The following ACBD3 variants were observed in gnomAD, a reference collection of about 807,000 sequenced individuals.
ACBD3 encodes acyl-CoA binding domain containing 3, also known as Golgi resident protein GCP60.
A neutral mutation model predicts 66.9 loss-of-function variants in ACBD3; 30 were observed. The ratio of observed to expected loss-of-function variants is 0.45; its 90% CI spans 0.34 to 0.61. ACBD3 has a LOEUF of 0.61. Ranked by LOEUF, ACBD3 falls within the 20% of genes least tolerant of loss-of-function variation. ACBD3 has a pLI of 0.02. For synonymous variants in ACBD3, 278 were observed against 259.8 expected (o/e 1.07, Z -0.68); for missense variants, 544 against 664.5 (o/e 0.82, Z 1.99).
At chr1:226,175,882 T>C (rs1656020546) in intron 1 of ACBD3, among the ~76,000 whole-genome samples, 1 of 152,192 alleles carries the variant, frequency 6.6e-6, no homozygotes, top group Non-Finnish European at 1.5e-5. Flanking sequence ...ACAATTTCAG[T>C]AATCAGTTCA....
At chr1:226,158,975 A>G (rs1313049909) in intron 5 of ACBD3, among the ~76,000 whole-genome samples, 2 of 152,254 alleles carry the variant, frequency 1.3e-5, no homozygotes, top group African/African-American at 2.4e-5. Context: ...TTATGACAAT[A>G]TAACATCATC....
intron 7 of ACBD3, among the ~76,000 whole-genome samples, chr1:226,151,288 G>A (rs1299550626): frequency 6.6e-6 from 1 of 152,204 alleles, no homozygotes; most frequent in Non-Finnish European, 1.5e-5. Context: ...GAGACATGGT[G>A]CTTTTCCATT....
In ACBD3 at chr1:226,161,719, A is replaced by G. The variant is rs1475109691; in HGVS notation, c.570-30T>C. 7.2e-6 allele frequency: 11 copies of G among 1,532,968 alleles called. No individual in the cohort carries two copies. The Admixed American group carries it at 2.6e-4, about 36-fold the overall frequency. 95.0% of individuals were successfully genotyped at this position (1,532,968 alleles called of 1,614,324 possible). A position where few individuals can be genotyped will look rare whatever the true frequency, so the allele number is the denominator to read the frequency against. On this transcript the variant is annotated intron_variant, in intron 3 of 7. Coordinates refer to ENST00000366812, the MANE Select transcript of ACBD3 (RefSeq NM_022735.4). ...AAGGCAAAGATAGAGAATGAACCCT[A>G]TACGTTGAATCCTGTTTAAAAATAA...
intron 3 of ACBD3, 33 bp downstream of exon 3, chr1:226,164,756 A>T (rs761094625): frequency 2.5e-6 from 4 of 1,595,958 alleles, no homozygotes; most frequent in African/African-American, 1.3e-5. Context: ...TGGGCTGCGC[A>T]GCAATAAAGT....
At chr1:226,179,582 G>A (rs180961623) in intron 1 of ACBD3, among the ~76,000 whole-genome samples, 347 of 152,288 alleles carry the variant, frequency 2.3e-3, no homozygotes, top group African/African-American at 8.0e-3. Context: ...ACTGGGCCAG[G>A]CGTGGTGGTT....
intron 1 of ACBD3, among the ~76,000 whole-genome samples, chr1:226,181,925 G>A (rs1350023499): frequency 6.6e-6 from 1 of 152,148 alleles, no homozygotes; most frequent in African/African-American, 2.4e-5. Flanking sequence ...GCTTAACATT[G>A]TTAAAATAGA....
At chr1:226,170,183 AGTCTC>A (rs1553268584) in intron 1 of ACBD3, among the ~76,000 whole-genome samples, 1 of 116,056 alleles carries the variant, frequency 8.6e-6, no homozygotes, top group Non-Finnish European at 1.7e-5. Context: ...TTTGAGACGG[AGTCTC>A]ACTCTGTCAC....
At chr1:226,160,720 TA>T (rs1356916981) in intron 4 of ACBD3, among the ~76,000 whole-genome samples, 1 of 152,234 alleles carries the variant, frequency 6.6e-6, no homozygotes, top group Non-Finnish European at 1.5e-5. Context: ...CCCAGTGTTT[TA>T]TGGGTGTTAA....
At chr1:226,164,767 A>G in intron 3 of ACBD3, 22 bp downstream of exon 3, 1 of 1,604,786 alleles carries the variant, frequency 6.2e-7, no homozygotes, top group Non-Finnish European at 8.5e-7. Context: ...GCAATAAAGT[A>G]TTCCATGCCC....
intron 1 of ACBD3, among the ~76,000 whole-genome samples, chr1:226,182,360 T>C (rs773255601): frequency 2.0e-5 from 3 of 152,096 alleles, no homozygotes; most frequent in Admixed American, 6.6e-5. Flanking sequence ...TTCACGCCTG[T>C]AATCCCAGCG....
chr1:226,151,521 A>AG (rs1659572098), intron 7 of ACBD3, among the ~76,000 whole-genome samples: 2 of 152,238 alleles, frequency 1.3e-5, no homozygotes, highest in Non-Finnish European at 2.9e-5. Context: ...CAGAGGAAGT[A>AG]AAAAAATTCC....
Position 226,161,652 on chromosome 1 carries a change from C to T in ACBD3, c.607G>A (p.Glu203Lys). ...TCCTCCTTTTGCAGACGTTCTCTTT[C>T]TTCCTCTTCACGCCGCCTTCGCTCC... ...EEERRRREEE[E>K]RERLQKEEEK... The change falls in exon 4 of 8, where the codon GAA becomes AAA. Residue 203 changes from glutamate to lysine, a missense_variant. Transcript: ENST00000366812. The T allele has an allele frequency of 6.2e-7, 1 of 1,611,368 alleles. No homozygotes were observed. The highest frequency in any genetic ancestry group is 8.5e-7 in the Non-Finnish European group (1 of 1,178,652).
chr1:226,180,400 A>G (rs1238907615), intron 1 of ACBD3, among the ~76,000 whole-genome samples: 1 of 152,166 alleles, frequency 6.6e-6, no homozygotes, highest in Non-Finnish European at 1.5e-5. Context: ...GTTTATATAT[A>G]TAATTTCTTA....
At chr1:226,164,471 G>A (rs950985382) in intron 3 of ACBD3, among the ~76,000 whole-genome samples, 1 of 152,174 alleles carries the variant, frequency 6.6e-6, no homozygotes, top group Non-Finnish European at 1.5e-5. Flanking sequence ...TCAGACCAGA[G>A]GATAGGGAGG....
At chr1:226,178,733 ACGG>A (rs1474490752) in intron 1 of ACBD3, among the ~76,000 whole-genome samples, 1 of 152,146 alleles carries the variant, frequency 6.6e-6, no homozygotes, top group African/African-American at 2.4e-5. Flanking sequence ...CATAAAATCT[ACGG>A]CGTGGAAAGG....
chr1:226,166,066 A>G, intron 1 of ACBD3, 66 bp from the exon 2 acceptor site: 1 of 1,484,000 alleles, frequency 6.7e-7, no homozygotes, highest in Non-Finnish European at 9.0e-7. Context: ...TCAGCATTAT[A>G]TACTAAAGCT....
rs566221432 is a variant in ACBD3 at position 226,152,385 on chromosome 1, G to T, written c.1325C>A (p.Ala442Asp). 1 of 1,614,214 alleles carries T rather than the reference G, an allele frequency of 6.2e-7. No homozygotes were observed. Among genetic ancestry groups the T allele is most frequent in the East Asian group, 2.2e-5 (1 of 44,886 alleles). The change falls in exon 7 of 8, where the codon GCT becomes GAT. Residue 442 changes from alanine (A) to aspartate (D), a missense_variant. By Grantham distance (126) the Ala-to-Asp change is moderately radical. Transcript: ENST00000366812. ...YFEWTDSPNT[A>D]VSVHVSESSD... ...GGACTCACTGACATGCACGCTGACA[G>T]CAGTGTTTGGAGAGTCTGTCCATTC...
chr1:226,183,905 A>AC (rs1308797465), intron 1 of ACBD3, among the ~76,000 whole-genome samples: 11 of 151,134 alleles, frequency 7.3e-5, no homozygotes, highest in Admixed American at 2.0e-4. Context: ...AAAAAAAAAA[A>AC]ACCAGGCTGG....
chr1:226,161,446 C>G, intron 4 of ACBD3, 85 bp downstream of exon 4: 1 of 1,574,998 alleles, frequency 6.3e-7, no homozygotes, highest in East Asian at 2.3e-5. Context: ...GCGTGAACCA[C>G]CACACCTGGC....
Sources: gnomAD v4.1 joint callset for allele counts (sites outside exome capture counted in the v4.1 genomes callset) on GRCh38, gnomAD v4.1.1 for gene constraint, MANE v1.5 for transcripts, NCBI Gene and HGNC (gene_info 2026-07-23, HGNC 2026-07-21) for gene names.